Variants in TMPRSS4 observed in about 807,000 individuals in gnomAD.
TMPRSS4 encodes transmembrane serine protease 4, also known as transmembrane protease serine 4.
In TMPRSS4, 45 loss-of-function variants were observed where a neutral mutation model predicts 56.4. That is an observed-to-expected ratio of 0.80 (90% CI 0.63 to 1.02). TMPRSS4 has a LOEUF of 1.02. Among genes scored for constraint, TMPRSS4 ranks in the 50% least tolerant of loss-of-function variants. The probability of loss-of-function intolerance (pLI) is 0.00; values close to 1 mark genes in which losing one functional copy is unlikely to be tolerated. For synonymous variants in TMPRSS4, 205 were observed against 211.0 expected (o/e 0.97, Z 0.25); for missense variants, 546 against 556.7 (o/e 0.98, Z 0.19).
chr11:118,102,952 A>T, intron 3 of TMPRSS4, 149 bp from the exon 4 acceptor site: 1 of 995,976 alleles, frequency 1.0e-6, no homozygotes, highest in Non-Finnish European at 1.5e-6. Flanking sequence ...GCTCAGGCCC[A>T]AGTCTGTGTG....
At chr11:118,082,091 C>T (rs1945180549) in intron 1 of TMPRSS4, among the ~76,000 whole-genome samples, 1 of 152,146 alleles carries the variant, frequency 6.6e-6, no homozygotes, top group Admixed American at 6.5e-5. Context: ...TGTCCGGACA[C>T]GTAGGAGTCA....
chr11:118,093,161 G>T (rs986725684), intron 1 of TMPRSS4, among the ~76,000 whole-genome samples: 3 of 152,192 alleles, frequency 2.0e-5, no homozygotes, highest in Non-Finnish European at 2.9e-5. Flanking sequence ...CTACAGGCTC[G>T]TTTGGGAGGG....
At chr11:118,098,624 C>T (rs1281586418) in intron 2 of TMPRSS4, among the ~76,000 whole-genome samples, 1 of 152,142 alleles carries the variant, frequency 6.6e-6, no homozygotes, top group Admixed American at 6.5e-5. Flanking sequence ...TAAATGGTGG[C>T]ACAGTGAATG....
intron 1 of TMPRSS4, among the ~76,000 whole-genome samples, chr11:118,082,715 G>GA (rs914753756): frequency 1.0e-3 from 150 of 150,632 alleles, no homozygotes; most frequent in African/African-American, 2.3e-3. Context: ...GCTGCTCAGG[G>GA]AAAAAAAAAC....
chr11:118,113,131 C>T (rs1279180012), intron 8 of TMPRSS4, 138 bp from the exon 9 acceptor site: 1 of 798,484 alleles, frequency 1.3e-6, no homozygotes, highest in African/African-American at 1.8e-5. Flanking sequence ...CCTTCTCCAC[C>T]ATCCCTGCCT....
intron 4 of TMPRSS4, among the ~76,000 whole-genome samples, chr11:118,104,016 TAGG>T (rs368974488): frequency 6.6e-6 from 1 of 152,288 alleles, no homozygotes; most frequent in East Asian, 1.9e-4. Flanking sequence ...TTTCAATGGA[TAGG>T]AGATGTTTTG....
chr11:118,097,041 A>AGGAAAGAAAGGAAAGGAAAGGAAAG (rs1555084993), intron 2 of TMPRSS4, among the ~76,000 whole-genome samples: 1 of 77,844 alleles, frequency 1.3e-5, no homozygotes, highest in African/African-American at 5.9e-5. Flanking sequence ...AGAAAAGGAA[A>AGGAAAGAAAGGAAAGGAAAGGAAAG]GAAAGGAAAG....
intron 6 of TMPRSS4, 72 bp from the exon 7 acceptor site, chr11:118,108,784 C>A: frequency 6.6e-7 from 1 of 1,521,252 alleles, no homozygotes; most frequent in South Asian, 1.1e-5. Flanking sequence ...TTAACAGCTT[C>A]GGGAGGCCTG....
intron 4 of TMPRSS4, 147 bp from the exon 5 acceptor site, chr11:118,104,543 GA>G: frequency 1.5e-6 from 2 of 1,309,072 alleles, no homozygotes. Flanking sequence ...CCAAATGGAA[GA>G]AATTCCCTTG....
chr11:118,121,102 T>G lies in TMPRSS4; in HGVS notation c.*3189T>G, dbSNP rs7943311. 70,894 of 151,904 alleles carry G rather than the reference T, an allele frequency of 0.47. 17,239 individuals carry two copies. The highest frequency in any genetic ancestry group is 0.55 in the Non-Finnish European group (37,363 of 67,944). The allele number at this position is 151,904 out of a possible 1,614,324, so 9.4% of individuals were successfully genotyped here. On this transcript the variant is annotated 3_prime_UTR_variant, in exon 13 of 13. Coordinates refer to ENST00000437212, the MANE Select transcript of TMPRSS4 (RefSeq NM_019894.4). ...AGTCAGTGGAAGTATATCTCCAGCA[T>G]GCCAAAAGATAACAATCAATCAGGG...
At chr11:118,116,146 G>A (rs868777658) in intron 11 of TMPRSS4, among the ~76,000 whole-genome samples, 1 of 152,114 alleles carries the variant, frequency 6.6e-6, no homozygotes, top group Non-Finnish European at 1.5e-5. Context: ...AACAGAGACA[G>A]GGTCACTATG....
In TMPRSS4 at chr11:118,079,847, G is replaced by A. The variant is rs963880861; in HGVS notation, c.3+2542G>A. Among the ~76,000 whole-genome samples, 7 of 152,330 alleles carry A rather than the reference G, an allele frequency of 4.6e-5. No homozygotes were observed. In the South Asian group the frequency reaches 6.2e-4, roughly 14 times the overall value. On this transcript the variant is annotated intron_variant, in intron 1 of 12. Transcript: ENST00000437212. ...GGGCACAGAATCCAGAAGCCCACTC[G>A]GCCCTGGCAGTGCCATCCTAGGCTC...
intron 1 of TMPRSS4, among the ~76,000 whole-genome samples, chr11:118,089,410 C>T (rs992838153): frequency 2.0e-5 from 3 of 152,138 alleles, no homozygotes; most frequent in African/African-American, 7.2e-5. Context: ...TTTATGTTTT[C>T]CTTGAGCCTT....
chr11:118,090,923 C>T (rs1271330080), intron 1 of TMPRSS4, among the ~76,000 whole-genome samples: 1 of 152,068 alleles, frequency 6.6e-6, no homozygotes, highest in Non-Finnish European at 1.5e-5. Flanking sequence ...CTCCTTTGTG[C>T]CTCAGCTTCT....
rs137961034 is a variant in TMPRSS4, at chr11:118,095,022, A to C, written c.43+167A>C. ...TCCATCACTCAGCAAACATTCCAGG[A>C]TTCATTCCAGAAGTAGGAGGCCTGG... On this transcript the variant is annotated intron_variant, in intron 2 of 12. Transcript: ENST00000437212. 2.2e-5 allele frequency: 16 copies of C among 739,614 alleles called. No homozygotes were observed. In the East Asian group the frequency reaches 3.8e-4, roughly 18 times the overall value. The allele number at this position is 739,614 out of a possible 1,614,324, so 45.8% of individuals were successfully genotyped here.
chr11:118,112,824 C>CTTTTTTTTTT (rs5795113), intron 8 of TMPRSS4, among the ~76,000 whole-genome samples: 1 of 128,470 alleles, frequency 7.8e-6, no homozygotes, highest in Admixed American at 8.1e-5. Flanking sequence ...TTTTTAACCA[C>CTTTTTTTTTT]TTTTTTTTTT....
intron 3 of TMPRSS4, among the ~76,000 whole-genome samples, chr11:118,099,361 T>C (rs1591380801): frequency 6.7e-6 from 1 of 149,268 alleles, no homozygotes; most frequent in Non-Finnish European, 1.5e-5. Context: ...CAGGGGCAGG[T>C]GATCTGCATA....
intron 1 of TMPRSS4, among the ~76,000 whole-genome samples, chr11:118,092,635 G>T (rs1274327946): frequency 6.6e-6 from 1 of 152,224 alleles, no homozygotes; most frequent in Non-Finnish European, 1.5e-5. Flanking sequence ...TTCTAATCTT[G>T]GGGCTAACGT....
intron 3 of TMPRSS4, among the ~76,000 whole-genome samples, chr11:118,099,409 A>G (rs2135385570): frequency 6.6e-6 from 1 of 151,638 alleles, no homozygotes; most frequent in Non-Finnish European, 1.5e-5. Flanking sequence ...AATAAAAGGA[A>G]TTTGAGGAGA....
Sources: gnomAD v4.1 joint callset for allele counts (sites outside exome capture counted in the v4.1 genomes callset) on GRCh38, gnomAD v4.1.1 for gene constraint, MANE v1.5 for transcripts, NCBI Gene and HGNC (gene_info 2026-07-23, HGNC 2026-07-21) for gene names.